COL4A3: variants seen among roughly 807,000 people sequenced by gnomAD.
COL4A3 encodes collagen alpha-3(IV) chain.
In COL4A3, 135 loss-of-function variants were observed where a neutral mutation model predicts 217.4. The observed-to-expected ratio is 0.62, with a 90% CI of 0.54 to 0.72. COL4A3 has a LOEUF of 0.72. COL4A3 is among the 30% of genes least tolerant of loss of function. The pLI, the probability that COL4A3 is intolerant of heterozygous loss-of-function variation, is 0.00. For missense variants in COL4A3, 1,868 were observed against 2,119.9 expected (o/e 0.88, Z 2.33); for synonymous variants, 690 against 736.3 (o/e 0.94, Z 1.02).
At chr2:227,196,761 C>A (rs1229859741) in intron 1 of COL4A3, among the ~76,000 whole-genome samples, 1 of 152,180 alleles carries the variant, frequency 6.6e-6, no homozygotes, top group African/African-American at 2.4e-5. Flanking sequence ...ACCAATAAAC[C>A]TACATATGGT....
At position 227,270,813 on chromosome 2, in the gene COL4A3, A is replaced by C; in HGVS notation, c.1619A>C (p.Lys540Thr). The change falls in exon 25 of 52, where the codon AAA becomes ACA. Residue 540 changes from lysine to threonine, a missense_variant. Physicochemically the swap from Lys to Thr is moderately conservative, Grantham distance 78 (BLOSUM62 -1). Transcript: ENST00000396578. Reference protein sequence around the residue: ...AQGDPGLKGEKGETLQPEGQV... With the variant: ...AQGDPGLKGETGETLQPEGQV... The stretch of plus-strand genomic sequence containing the variant: ...GGTGACCCAGGACTTAAAGGAGAAA[A>C]AGGTGAAACACTTCAGCCTGAGGGG... 6.2e-7 allele frequency: 1 copy of C among 1,614,134 alleles called. No homozygotes were observed. Among genetic ancestry groups the C allele is most frequent in the South Asian group, 1.1e-5 (1 of 91,082 alleles).
intron 24 of COL4A3, 141 bp downstream of exon 24, chr2:227,270,121 C>A (rs1442670410): frequency 1.0e-5 from 7 of 689,448 alleles, no homozygotes; most frequent in Non-Finnish European, 1.8e-5. Flanking sequence ...ATGAATAAAT[C>A]TGTGACTGAT....
intron 1 of COL4A3, among the ~76,000 whole-genome samples, chr2:227,180,418 C>T (rs187103944): frequency 3.9e-5 from 6 of 152,310 alleles, no homozygotes; most frequent in African/African-American, 7.2e-5. Context: ...AGCTTCTACT[C>T]GCTGTGACCT....
At chr2:227,168,883 C>CT (rs199943455) in intron 1 of COL4A3, among the ~76,000 whole-genome samples, 3 of 150,696 alleles carry the variant, frequency 2.0e-5, no homozygotes, top group East Asian at 1.9e-4. Flanking sequence ...TCTTTTTTTT[C>CT]TTTTTTTTAT....
At position 227,177,717 on chromosome 2, in the gene COL4A3, T is replaced by C. The variant is rs560090247; in HGVS notation, c.87+12904T>C. On this transcript the variant is annotated intron_variant, in intron 1 of 51. Transcript: ENST00000396578. ...AAATTGTGCACCGTTCTGAGTAGCA[T>C]GATGAAATCTCGCACCGTCCTGCTG... is the stretch of plus-strand genomic sequence containing the variant. 3.3e-5 allele frequency among the ~76,000 whole-genome samples: 5 copies of C among 152,286 alleles called. No individual in the cohort carries two copies. In the East Asian group the frequency reaches 9.7e-4, roughly 29 times the overall value.
chr2:227,246,349 A>C (rs1263270625), intron 6 of COL4A3: 1 of 502,754 alleles, frequency 2.0e-6, no homozygotes, highest in African/African-American at 1.9e-5. Flanking sequence ...CTGTTCACTC[A>C]CCTCCTTTTG....
At chr2:227,288,081 T>C (rs923968363) in intron 34 of COL4A3, among the ~76,000 whole-genome samples, 1 of 152,182 alleles carries the variant, frequency 6.6e-6, no homozygotes, top group African/African-American at 2.4e-5. Context: ...CTGTAAGTAA[T>C]AGAGATTCAG....
chr2:227,185,046 C>T (rs1399817031), intron 1 of COL4A3, among the ~76,000 whole-genome samples: 14 of 151,720 alleles, frequency 9.2e-5, no homozygotes, highest in Admixed American at 7.9e-4. Flanking sequence ...GGACTACAGG[C>T]GCCCGCCACA....
intron 1 of COL4A3, among the ~76,000 whole-genome samples, chr2:227,192,957 A>T (rs1385845779): frequency 1.3e-5 from 2 of 152,244 alleles, no homozygotes; most frequent in African/African-American, 4.8e-5. Flanking sequence ...CAAATATTTT[A>T]ATCAGCATAA....
intron 47 of COL4A3, chr2:227,305,759 T>C (rs896936997): frequency 6.6e-6 from 1 of 152,272 alleles, no homozygotes; most frequent in Non-Finnish European, 1.5e-5. Flanking sequence ...TCTGAACATA[T>C]GCTGTATGTG....
chr2:227,309,708 TCTC>T (rs552010111), intron 50 of COL4A3, among the ~76,000 whole-genome samples: 2 of 152,064 alleles, frequency 1.3e-5, no homozygotes, highest in Non-Finnish European at 2.9e-5. Flanking sequence ...TTCAAGTGAT[TCTC>T]CTGCCTCGGC....
At chr2:227,239,116 T>C (rs2068868326) in intron 2 of COL4A3, among the ~76,000 whole-genome samples, 2 of 152,298 alleles carry the variant, frequency 1.3e-5, no homozygotes, top group East Asian at 3.9e-4. Flanking sequence ...CCTTTACTGT[T>C]GAAGAGTACA....
chr2:227,236,253 T>G (rs901340040), intron 1 of COL4A3, among the ~76,000 whole-genome samples: 3 of 152,238 alleles, frequency 2.0e-5, no homozygotes, highest in Non-Finnish European at 4.4e-5. Context: ...TTCCTCTGGG[T>G]AGATACCCAG....
At chr2:227,288,953 T>G (rs1251604774) in intron 34 of COL4A3, among the ~76,000 whole-genome samples, 197 bp from the exon 35 acceptor site, 1 of 101,336 alleles carries the variant, frequency 9.9e-6, no homozygotes, top group Non-Finnish European at 2.1e-5. Context: ...TGTTTTGGGT[T>G]TTTTTTTTTT....
chr2:227,164,737 G>C lies in COL4A3; in HGVS notation c.11G>C (p.Arg4Pro). 6.5e-7 allele frequency: 1 copy of C among 1,529,922 alleles called. No individual in the cohort carries two copies. Among genetic ancestry groups the C allele is most frequent in the Non-Finnish European group, 8.7e-7 (1 of 1,145,016 alleles). The allele number at this position is 1,529,922 out of a possible 1,614,324, so 94.8% of individuals were successfully genotyped here. The change falls in exon 1 of 52, where the codon CGG (arginine) becomes CCG (proline). Residue 4 changes from arginine to proline, a missense_variant. Around this residue, in one of 2 missense-constraint regions of COL4A3, gnomAD observed 365 missense variants for 333.8 expected, o/e 1.09. Coordinates refer to ENST00000396578, the MANE Select transcript of COL4A3 (RefSeq NM_000091.5). This position sits in a 1 kb window ranked among gnomAD's most constrained non-coding sequence, Gnocchi z 4.8. Reference sequence around the variant, plus strand: ...GAGCGCGCGCCCACCATGAGCGCCCGGACCGCCCCCAGGCCGCAGGTGCTC... The same window carrying C: ...GAGCGCGCGCCCACCATGAGCGCCCCGACCGCCCCCAGGCCGCAGGTGCTC... MSARTAPRPQVLLL... is the reference protein window; with the variant it reads MSAPTAPRPQVLLL...
At chr2:227,292,116 A>G (rs2072780325) in intron 37 of COL4A3, among the ~76,000 whole-genome samples, 1 of 152,208 alleles carries the variant, frequency 6.6e-6, no homozygotes. Context: ...TTTCAACAGT[A>G]TATGTATGAC....
At chr2:227,235,984 G>A (rs1041802877) in intron 1 of COL4A3, among the ~76,000 whole-genome samples, 1 of 151,374 alleles carries the variant, frequency 6.6e-6, no homozygotes, top group African/African-American at 2.4e-5. Context: ...ATGTTGGCCA[G>A]GCTAGTCTCG....
At chr2:227,249,433 A>G (rs1435648211) in intron 9 of COL4A3, among the ~76,000 whole-genome samples, 3 of 150,118 alleles carry the variant, frequency 2.0e-5, no homozygotes, top group Admixed American at 6.7e-5. Flanking sequence ...ATGGGGTTTC[A>G]CCATGTTGGC....
In COL4A3 at chr2:227,294,994, C is replaced by T. The variant is rs1444179511; in HGVS notation, c.3449C>T (p.Pro1150Leu). Residue 1150 changes from proline (P) to leucine (L), a missense_variant, in exon 40 of 52, where the codon CCA (proline) becomes CTA (leucine). Pro to Leu is a moderately conservative substitution (Grantham distance 98, BLOSUM62 -3). Around this residue, in one of 2 missense-constraint regions of COL4A3, gnomAD observed 1,503 missense variants for 1,786.1 expected, o/e 0.84. Coordinates refer to ENST00000396578, the MANE Select transcript of COL4A3 (RefSeq NM_000091.5). ...GLPGFPGSPG[P>L]MGIRGDQGRD... ...CCAGGATTTCCAGGATCTCCTGGAC[C>T]AATGGGTATAAGAGGTGACCAAGGA... 5.0e-6 allele frequency: 8 copies of T among 1,610,572 alleles called. No individual in the cohort carries two copies. The Admixed American group carries it at 1.3e-4, about 27-fold the overall frequency.
Sources: gnomAD v4.1 joint callset for allele counts (sites outside exome capture counted in the v4.1 genomes callset) on GRCh38, gnomAD v4.1.1 for gene constraint, gnomAD v4.1.1 regional missense constraint, Gnocchi (gnomAD v3.1) non-coding constraint, MANE v1.5 for transcripts, NCBI Gene and HGNC (gene_info 2026-07-23, HGNC 2026-07-21) for gene names.